KIF25: variants seen among roughly 807,000 people sequenced by gnomAD.
KIF25 encodes kinesin family member 25, also known as kinesin-like protein KIF25.
KIF25 carries 19 observed loss-of-function variants against 32.9 expected under a neutral mutation model. The ratio of observed to expected loss-of-function variants is 0.58; its 90% CI spans 0.40 to 0.85. The LOEUF (loss-of-function observed/expected upper bound fraction) is 0.85. Ranked by LOEUF, KIF25 falls within the 40% of genes least tolerant of loss-of-function variation. The pLI is 0.00. For missense variants in KIF25, 485 were observed against 507.0 expected (o/e 0.96, Z 0.42); for synonymous variants, 225 against 213.7 (o/e 1.05, Z -0.46).
chr6:168,017,946 T>C (rs41266301), intron 4 of KIF25, 27 bp from the exon 5 acceptor site: 16,865 of 152,552 alleles, frequency 0.11, 1,398 homozygotes, highest in East Asian at 0.41. Flanking sequence ...CAAAGTCTTA[T>C]GACGTCGTTT....
At chr6:168,026,578 TA>T (rs528399477) in intron 5 of KIF25, among the ~76,000 whole-genome samples, 1 of 152,056 alleles carries the variant, frequency 6.6e-6, no homozygotes, top group Non-Finnish European at 1.5e-5. Flanking sequence ...ATTTCCATTC[TA>T]AAAAAAATTC....
At chr6:168,000,135 C>A in intron 2 of KIF25, among the ~76,000 whole-genome samples, 1 of 108,414 alleles carries the variant, frequency 9.2e-6, no homozygotes, top group Non-Finnish European at 1.9e-5. Context: ...TACACCTGAC[C>A]CTCCCCACTC....
At chr6:168,034,811 C>A (rs1314289822) in intron 8 of KIF25, among the ~76,000 whole-genome samples, 1 of 152,078 alleles carries the variant, frequency 6.6e-6, no homozygotes, top group Non-Finnish European at 1.5e-5. Flanking sequence ...ACCCACTGCC[C>A]GTGTCATGAT....
intron 9 of KIF25, 38 bp from the exon 10 acceptor site, chr6:168,040,027 G>T (rs376851853): frequency 1.3e-6 from 2 of 1,579,942 alleles, no homozygotes; most frequent in East Asian, 4.6e-5. Flanking sequence ...AAGGGGGGCC[G>T]CCCTCACTGT....
In KIF25 at chr6:168,038,804, G is replaced by A. The variant is rs1450783529; in HGVS notation, c.494+75G>A. The A allele has an allele frequency of 4.7e-6, 7 of 1,477,248 alleles. No individual in the cohort carries two copies. The East Asian group carries it at 1.2e-4, about 24-fold the overall frequency. 91.5% of individuals were successfully genotyped at this position (1,477,248 alleles called of 1,614,324 possible). A position where few individuals can be genotyped will look rare whatever the true frequency, so the allele number is the denominator to read the frequency against. On this transcript the variant is annotated intron_variant, in intron 9 of 12. Coordinates refer to ENST00000643607, the MANE Select transcript of KIF25 (RefSeq NM_030615.4). ...CCTGCCCCTCCCACCTGGTCAGGAG[G>A]CTGCACGTCTCTAAACGAGCTCCCC... is the stretch of plus-strand genomic sequence containing the variant.
intron 4 of KIF25, among the ~76,000 whole-genome samples, chr6:168,013,727 G>A (rs1278238201): frequency 5.2e-5 from 7 of 134,940 alleles, no homozygotes; most frequent in African/African-American, 1.9e-4. Context: ...CCTGCAAGGG[G>A]AAGTCCCTTC....
chr6:168,044,683 A>G, intron 12 of KIF25, 144 bp from the exon 13 acceptor site: 1 of 798,394 alleles, frequency 1.3e-6, no homozygotes, highest in Non-Finnish European at 2.0e-6. Flanking sequence ...CGTCCCAGGA[A>G]CCTGCCAGAC....
At chr6:168,043,048 G>T (rs1470673748) in intron 12 of KIF25, among the ~76,000 whole-genome samples, 1 of 152,150 alleles carries the variant, frequency 6.6e-6, no homozygotes, top group Non-Finnish European at 1.5e-5. Context: ...GTGTGGCCTG[G>T]GTCCCTCCGG....
chr6:168,035,192 C>T (rs1351207134), intron 8 of KIF25, among the ~76,000 whole-genome samples: 1 of 151,668 alleles, frequency 6.6e-6, no homozygotes, highest in Admixed American at 6.6e-5. Flanking sequence ...GCGGGGACAC[C>T]ACGGTGGAAG....
chr6:168,010,564 T>C (rs1798634622), intron 4 of KIF25, among the ~76,000 whole-genome samples: 1 of 152,176 alleles, frequency 6.6e-6, no homozygotes, highest in Admixed American at 6.5e-5. Flanking sequence ...TCCTGAAGAA[T>C]GTTCCATTTG....
chr6:168,027,073 A>T (rs995880988), intron 5 of KIF25, among the ~76,000 whole-genome samples: 1 of 152,152 alleles, frequency 6.6e-6, no homozygotes. Flanking sequence ...CCACCAACAC[A>T]GCAGTGGGGC....
At chr6:168,017,043 A>G (rs1798724808) in intron 4 of KIF25, among the ~76,000 whole-genome samples, 1 of 152,278 alleles carries the variant, frequency 6.6e-6, no homozygotes, top group South Asian at 2.1e-4. Context: ...ACCTCACAGA[A>G]TCCAGAGGCA....
chr6:168,014,692 G>A (rs9364385), intron 4 of KIF25, among the ~76,000 whole-genome samples: 52,742 of 152,052 alleles, frequency 0.35, 9,347 homozygotes, highest in South Asian at 0.42. Flanking sequence ...GCATTTCATC[G>A]TTTGGATTCA....
intron 5 of KIF25, among the ~76,000 whole-genome samples, chr6:168,026,913 CGTTCAA>C (rs1178534642): frequency 2.0e-5 from 3 of 152,154 alleles, no homozygotes; most frequent in Non-Finnish European, 4.4e-5. Flanking sequence ...TTTCTATAGT[CGTTCAA>C]GTTCAAGCAT....
intron 4 of KIF25, among the ~76,000 whole-genome samples, chr6:168,012,033 TGATTC>T (rs1798654041): frequency 6.6e-6 from 1 of 152,184 alleles, no homozygotes; most frequent in Non-Finnish European, 1.5e-5. Context: ...CTCTAAGATT[TGATTC>T]TTTTTTATAA....
chr6:168,033,783 T>C (rs1316778549), intron 7 of KIF25, 99 bp from the exon 8 acceptor site: 15 of 1,235,120 alleles, frequency 1.2e-5, no homozygotes, highest in Non-Finnish European at 1.7e-5. Context: ...GAATAGGAAA[T>C]GAAATGTATT....
intron 5 of KIF25, among the ~76,000 whole-genome samples, chr6:168,023,272 T>C (rs919753633): frequency 3.6e-4 from 6 of 16,678 alleles, no homozygotes; most frequent in East Asian, 8.1e-3. Flanking sequence ...CTTCTTCCTT[T>C]TTTTTTTTTT....
intron 4 of KIF25, among the ~76,000 whole-genome samples, chr6:168,007,860 A>G (rs1302102838): frequency 6.6e-6 from 1 of 152,068 alleles, no homozygotes. Flanking sequence ...TATTTCCTTA[A>G]TCTTAGGATC....
At position 168,020,894 on chromosome 6, in the gene KIF25, A is replaced by G. The variant is rs1329489745; in HGVS notation, c.-95+2854A>G. Among the ~76,000 whole-genome samples the G allele has an allele frequency of 3.9e-5, 6 of 152,240 alleles. No homozygotes were observed. In the East Asian group the frequency reaches 1.2e-3, roughly 29 times the overall value. On this transcript the variant is annotated intron_variant, in intron 5 of 12. Transcript: ENST00000643607. Reference sequence around the variant, plus strand: ...CAGAGGAAAGCTGTTCTATATCTCAATAAAGCTATTTTAAAAACAAATAAA... The same window carrying G: ...CAGAGGAAAGCTGTTCTATATCTCAGTAAAGCTATTTTAAAAACAAATAAA...
Sources: gnomAD v4.1 joint callset for allele counts (sites outside exome capture counted in the v4.1 genomes callset) on GRCh38, gnomAD v4.1.1 for gene constraint, MANE v1.5 for transcripts, NCBI Gene and HGNC (gene_info 2026-07-23, HGNC 2026-07-21) for gene names.